AGFG1: variants seen among roughly 807,000 people sequenced by gnomAD.
The protein encoded by AGFG1 is arf-GAP domain and FG repeat-containing protein 1.
Under a neutral mutation model 60.6 loss-of-function variants are expected in AGFG1, and 10 were observed. The ratio of observed to expected loss-of-function variants is 0.16; its 90% CI spans 0.10 to 0.28. The LOEUF (loss-of-function observed/expected upper bound fraction) is 0.28, where lower values mean the gene tolerates loss of function less well. Among genes scored for constraint, AGFG1 ranks in the 10% least tolerant of loss-of-function variants. AGFG1 has a pLI of 1.00. For missense variants in AGFG1, 537 were observed against 676.5 expected (o/e 0.79, Z 2.29); for synonymous variants, 247 against 242.9 (o/e 1.02, Z -0.16).
chr2:227,523,829 C>T lies in AGFG1; in HGVS notation c.444C>T (p.Ala148=). The T allele has an allele frequency of 1.2e-6, 2 of 1,613,950 alleles. No homozygotes were observed. The highest frequency in any genetic ancestry group is 1.7e-6 in the Non-Finnish European group (2 of 1,179,960). Residue 148 remains alanine (A), a synonymous_variant, in exon 4 of 13, where the codon GCC becomes GCT. Transcript: ENST00000310078. ...SVHASISGSS[A]SSTSSTPEVK... is the part of the protein sequence containing the mutation. Reference sequence around the variant, plus strand: ...ATGCATCTATTTCAGGGTCCTCTGCCAGTAGCACAAGCAGCACACCTGAGG... The same window carrying T: ...ATGCATCTATTTCAGGGTCCTCTGCTAGTAGCACAAGCAGCACACCTGAGG...
intron 1 of AGFG1, among the ~76,000 whole-genome samples, chr2:227,486,851 T>C (rs1690655495): frequency 6.6e-6 from 1 of 152,208 alleles, no homozygotes; most frequent in African/African-American, 2.4e-5. Flanking sequence ...TCTGGAAACA[T>C]TTTTGATTGT....
chr2:227,518,504 G>A (rs1691722664), intron 2 of AGFG1, among the ~76,000 whole-genome samples: 1 of 149,628 alleles, frequency 6.7e-6, no homozygotes, highest in African/African-American at 2.5e-5. Flanking sequence ...CTGTCTTGTG[G>A]AGTCTCAGTG....
At chr2:227,533,116 T>C (rs1042643541) in intron 6 of AGFG1, among the ~76,000 whole-genome samples, 1 of 152,204 alleles carries the variant, frequency 6.6e-6, no homozygotes. Context: ...TGTTAATCGC[T>C]ACCCCTGGGA....
chr2:227,524,750 T>TA lies in AGFG1; in HGVS notation c.541-12_541-11insA. 1 of 1,613,534 alleles carries TA rather than the reference T, an allele frequency of 6.2e-7. No homozygotes were observed. Among genetic ancestry groups the TA allele is most frequent in the Non-Finnish European group, 8.5e-7 (1 of 1,179,602 alleles). On this transcript the variant is annotated splice_polypyrimidine_tract_variant and intron_variant, in intron 4 of 12. Coordinates refer to ENST00000310078, the MANE Select transcript of AGFG1 (RefSeq NM_004504.5). ...GACTGGAATATCTTTATAGTTAATA[T>TA]GTGGTTTGTAGTCCCCAGTTGTAGG...
chr2:227,472,556 C>G lies in AGFG1; in HGVS notation c.135C>G (p.Gly45=), dbSNP rs564250548. Residue 45 remains glycine, a synonymous_variant, in exon 1 of 13, where the codon GGC becomes GGG. Coordinates refer to ENST00000310078, the MANE Select transcript of AGFG1 (RefSeq NM_004504.5). ...RGPTYVNMTV[G]SFVCTSCSGS... ...CCACCTACGTTAACATGACGGTCGGCTCCTTCGTGTGTACCTCCTGCTCCG... is the reference window on the plus strand; with the variant it reads ...CCACCTACGTTAACATGACGGTCGGGTCCTTCGTGTGTACCTCCTGCTCCG... 2 of 1,580,942 alleles carry G rather than the reference C, an allele frequency of 1.3e-6. No homozygotes were observed. Among genetic ancestry groups the G allele is most frequent in the Admixed American group, 1.7e-5 (1 of 57,504 alleles).
At chr2:227,488,445 C>A (rs1033596300) in intron 1 of AGFG1, among the ~76,000 whole-genome samples, 2 of 152,154 alleles carry the variant, frequency 1.3e-5, no homozygotes, top group African/African-American at 4.8e-5. Context: ...AACATACATC[C>A]TTTTAATAGT....
At chr2:227,509,411 A>G (rs1347028757) in intron 2 of AGFG1, among the ~76,000 whole-genome samples, 2 of 152,168 alleles carry the variant, frequency 1.3e-5, no homozygotes, top group African/African-American at 4.8e-5. Flanking sequence ...TGGACAAGGA[A>G]AACCTTTTCT....
intron 1 of AGFG1, among the ~76,000 whole-genome samples, chr2:227,485,334 T>A (rs140389629): frequency 0.054 from 7,940 of 148,242 alleles, 285 homozygotes; most frequent in African/African-American, 0.09. Context: ...ACTCCCAGGT[T>A]CAAGTGATTC....
At chr2:227,495,874 G>T (rs926848009) in intron 2 of AGFG1, among the ~76,000 whole-genome samples, 1 of 151,812 alleles carries the variant, frequency 6.6e-6, no homozygotes, top group African/African-American at 2.4e-5. Flanking sequence ...AGGCTGAGGC[G>T]AATGGATCAG....
At chr2:227,509,517 TA>T (rs747526942) in intron 2 of AGFG1, among the ~76,000 whole-genome samples, 1 of 152,156 alleles carries the variant, frequency 6.6e-6, no homozygotes, top group Non-Finnish European at 1.5e-5. Context: ...GTGCTATGGT[TA>T]TGTAAAAGAA....
rs200360447 is a variant in AGFG1, at chr2:227,533,612, G to C, written c.878G>C (p.Ser293Thr). The C allele has an allele frequency of 6.2e-7, 1 of 1,613,796 alleles. No homozygotes were observed. Among genetic ancestry groups the C allele is most frequent in the East Asian group, 2.2e-5 (1 of 44,856 alleles). ...TTTGATAACTTCCCCAAATCCTCCA[G>C]TGCTGATTTTGGAACCTTCAATACT... Reference protein sequence around the residue: ...AHFDNFPKSSSADFGTFNTSQ... With the variant: ...AHFDNFPKSSTADFGTFNTSQ... Residue 293 changes from serine to threonine, a missense_variant, in exon 7 of 13, where the codon AGT (serine) becomes ACT (threonine). Ser to Thr is a moderately conservative substitution (Grantham distance 58). This residue lies in a region of AGFG1 where 287 missense variants were observed against 343.6 expected (regional missense o/e 0.84). Coordinates refer to ENST00000310078, the MANE Select transcript of AGFG1 (RefSeq NM_004504.5).
At chr2:227,473,300 T>TA (rs1172520960) in intron 1 of AGFG1, among the ~76,000 whole-genome samples, 3 of 152,128 alleles carry the variant, frequency 2.0e-5, no homozygotes, top group South Asian at 4.1e-4. Context: ...TGTGGGATTT[T>TA]AGTTTTATGG....
intron 7 of AGFG1, among the ~76,000 whole-genome samples, 175 bp from the exon 8 acceptor site, chr2:227,534,670 G>A (rs1692256969): frequency 6.6e-6 from 1 of 152,174 alleles, no homozygotes; most frequent in African/African-American, 2.4e-5. Context: ...ACAGTGGTAT[G>A]TATAACAACT....
chr2:227,536,995 T>C lies in AGFG1; in HGVS notation c.1378+2T>C. ...AGACCAATGCCAGAGGAGCAACAGG[T>C]AAGAAAAAGAGACAGTGGAACAGTA... On this transcript the variant is annotated splice_donor_variant, in intron 10 of 12. Transcript: ENST00000310078. LOFTEE classifies it high-confidence loss of function. The C allele has an allele frequency of 6.2e-7, 1 of 1,610,908 alleles. No homozygotes were observed. Among genetic ancestry groups the C allele is most frequent in the Non-Finnish European group, 8.5e-7 (1 of 1,178,104 alleles).
At chr2:227,491,229 T>C (rs1690806491) in intron 1 of AGFG1, among the ~76,000 whole-genome samples, 1 of 152,186 alleles carries the variant, frequency 6.6e-6, no homozygotes, top group Admixed American at 6.5e-5. Flanking sequence ...GTTCTTCATA[T>C]GTATAGTCTT....
intron 2 of AGFG1, among the ~76,000 whole-genome samples, chr2:227,510,157 G>T (rs914997548): frequency 6.6e-6 from 1 of 152,036 alleles, no homozygotes; most frequent in African/African-American, 2.4e-5. Flanking sequence ...TGTTGAGGGG[G>T]GTAGGGAGGG....
intron 2 of AGFG1, among the ~76,000 whole-genome samples, chr2:227,501,527 A>G (rs1433217121): frequency 6.6e-6 from 1 of 152,234 alleles, no homozygotes; most frequent in East Asian, 1.9e-4. Flanking sequence ...CCCTATACAA[A>G]TATACACATA....
In AGFG1 at chr2:227,554,498, T is replaced by C. The variant is rs2106247537; in HGVS notation, c.*3T>C. 6.2e-7 allele frequency: 1 copy of C among 1,612,258 alleles called. No individual in the cohort carries two copies. The highest frequency in any genetic ancestry group is 8.5e-7 in the Non-Finnish European group (1 of 1,178,980). ...CATCAACCAATCCTTTCTTATAGCC[T>C]TATATAGACAATTTACTGGAACGAA... On this transcript the variant is annotated 3_prime_UTR_variant, in exon 13 of 13. Transcript: ENST00000310078.
chr2:227,516,605 A>G (rs1691659222), intron 2 of AGFG1, among the ~76,000 whole-genome samples: 1 of 152,166 alleles, frequency 6.6e-6, no homozygotes, highest in South Asian at 2.1e-4. Context: ...TTAGTAAACA[A>G]TTTTGAGGGA....
Sources: gnomAD v4.1 joint callset for allele counts (sites outside exome capture counted in the v4.1 genomes callset) on GRCh38, gnomAD v4.1.1 for gene constraint, gnomAD v4.1.1 regional missense constraint, MANE v1.5 for transcripts, NCBI Gene and HGNC (gene_info 2026-07-23, HGNC 2026-07-21) for gene names.